MCC: variants seen among roughly 807,000 people sequenced by gnomAD.
MCC encodes the protein colorectal mutant cancer protein.
MCC carries 90 observed loss-of-function variants against 116.2 expected under a neutral mutation model. That is an observed-to-expected ratio of 0.77 (90% CI 0.65 to 0.92). MCC has a LOEUF of 0.92. MCC is among the 40% of genes least tolerant of loss of function. The probability of loss-of-function intolerance (pLI) is 0.00; values close to 1 mark genes in which losing one functional copy is unlikely to be tolerated. For missense variants in MCC, 1,516 were observed against 1,312.2 expected (o/e 1.16, Z -2.40); for synonymous variants, 578 against 510.5 (o/e 1.13, Z -1.78).
In MCC at chr5:113,043,430, C is replaced by T. The variant is rs1751859252; in HGVS notation, c.2756+100G>A. 6 of 1,079,424 alleles carry T rather than the reference C, an allele frequency of 5.6e-6. No homozygotes were observed. The East Asian group carries it at 1.0e-4, about 19-fold the overall frequency. The allele number at this position is 1,079,424 out of a possible 1,614,324, so 66.9% of individuals were successfully genotyped here. A position where few individuals can be genotyped will look rare whatever the true frequency, so the allele number is the denominator to read the frequency against. On this transcript the variant is annotated intron_variant, in intron 17 of 18. Transcript: ENST00000408903. ...CTTCCAAGACATGGGTAAAGTGGAA[C>T]ACATCAGCACCTTCTCCTTTTGGGA... is the stretch of plus-strand genomic sequence containing the variant.
rs537672234 is a variant in MCC at position 113,130,918 on chromosome 5, C to T, written c.885-8092G>A. Among the ~76,000 whole-genome samples the T allele has an allele frequency of 7.2e-5, 11 of 152,322 alleles. No homozygotes were observed. The East Asian group carries it at 2.1e-3, about 29-fold the overall frequency. On this transcript the variant is annotated intron_variant, in intron 5 of 18. Coordinates refer to ENST00000408903, the MANE Select transcript of MCC (RefSeq NM_001085377.2). ...TTCTAGTAACACAAAGGGACTAAGA[C>T]AGGGCCCCACTCTTCTGACTTCATC...
intron 17 of MCC, among the ~76,000 whole-genome samples, chr5:113,029,426 TTTTTCAGGTGTCC>T (rs1750807050): frequency 6.6e-6 from 1 of 151,102 alleles, no homozygotes; most frequent in South Asian, 2.1e-4. Flanking sequence ...CATCCCCTTC[TTTTTCAGGTGTCC>T]TAAGTATCTC....
At chr5:113,154,980 C>T (rs1025053656) in intron 3 of MCC, among the ~76,000 whole-genome samples, 16 of 152,016 alleles carry the variant, frequency 1.1e-4, no homozygotes, top group Non-Finnish European at 1.6e-4. Context: ...GGAGTTATTT[C>T]TTCTAACTGC....
intron 16 of MCC, chr5:113,048,766 C>T (rs1752284753): frequency 2.1e-6 from 1 of 465,128 alleles, no homozygotes; most frequent in African/African-American, 2.0e-5. Context: ...AATAAACCAA[C>T]AAATGAGGGC....
intron 1 of MCC, among the ~76,000 whole-genome samples, chr5:113,438,309 A>G (rs1429368760): frequency 6.6e-6 from 1 of 152,042 alleles, no homozygotes; most frequent in Non-Finnish European, 1.5e-5. Flanking sequence ...CCGTACGGTG[A>G]GTTGTAGGAG....
Position 113,426,810 on chromosome 5 carries a change from C to A in MCC, c.171-41598G>T, listed in dbSNP as rs929648517. 7.2e-5 allele frequency among the ~76,000 whole-genome samples: 11 copies of A among 152,286 alleles called. No homozygotes were observed. In the East Asian group the frequency reaches 1.7e-3, roughly 24 times the overall value. ...TGATGGGGATGGATTTAATTGGAAA[C>A]TAAAACTTCTAGTCTTTCTAATATT... On this transcript the variant is annotated intron_variant, in intron 1 of 18. Transcript: ENST00000408903.
chr5:113,266,485 A>C (rs1280648357), intron 3 of MCC, among the ~76,000 whole-genome samples: 1 of 152,104 alleles, frequency 6.6e-6, no homozygotes, highest in African/African-American at 2.4e-5. Flanking sequence ...ATAGGGCTTT[A>C]TTTGTATTTA....
chr5:113,095,570 A>G (rs1480665968), intron 8 of MCC, among the ~76,000 whole-genome samples: 1 of 152,102 alleles, frequency 6.6e-6, no homozygotes, highest in Non-Finnish European at 1.5e-5. Flanking sequence ...CCCAGGTTGG[A>G]GTACAATGGT....
At chr5:113,439,121 C>G (rs1159516124) in intron 1 of MCC, among the ~76,000 whole-genome samples, 1 of 152,130 alleles carries the variant, frequency 6.6e-6, no homozygotes, top group Non-Finnish European at 1.5e-5. Flanking sequence ...GTTGAAAATT[C>G]CAAGAGATCA....
chr5:113,283,139 T>A (rs1442950020), intron 3 of MCC, among the ~76,000 whole-genome samples: 2 of 152,250 alleles, frequency 1.3e-5, no homozygotes, highest in Non-Finnish European at 2.9e-5. Flanking sequence ...CAGAGCCCAT[T>A]TATTTTCTGT....
chr5:113,314,691 G>A lies in MCC; in HGVS notation c.627+25828C>T, dbSNP rs139247821. The stretch of plus-strand genomic sequence containing the variant: ...CAACCTCTGCCTCCTGGGTTCAAGC[G>A]ATTCTCCTGCCTCAGCTTCCCGAGT... On this transcript the variant is annotated intron_variant, in intron 3 of 18. Coordinates refer to ENST00000408903, the MANE Select transcript of MCC (RefSeq NM_001085377.2). Among the ~76,000 whole-genome samples, 273 of 152,228 alleles carry A rather than the reference G, an allele frequency of 1.8e-3. 1 individual carries two copies. Among genetic ancestry groups the A allele is most frequent in the African/African-American group, 6.3e-3 (260 of 41,526 alleles).
chr5:113,279,220 G>T (rs1490420181), intron 3 of MCC, among the ~76,000 whole-genome samples: 1 of 152,018 alleles, frequency 6.6e-6, no homozygotes, highest in East Asian at 1.9e-4. Context: ...TTCACGACAT[G>T]GTGTGCTCCA....
At chr5:113,316,289 T>C (rs1692134092) in intron 3 of MCC, among the ~76,000 whole-genome samples, 1 of 151,406 alleles carries the variant, frequency 6.6e-6, no homozygotes, top group African/African-American at 2.4e-5. Context: ...ATATGTTATA[T>C]TAAGTAGTCT....
chr5:113,300,018 G>T (rs1766822654), intron 3 of MCC, among the ~76,000 whole-genome samples: 1 of 152,176 alleles, frequency 6.6e-6, no homozygotes, highest in Non-Finnish European at 1.5e-5. Context: ...ATGAGGCTGT[G>T]CACCAACACC....
chr5:113,414,599 T>C (rs1770091350), intron 1 of MCC, among the ~76,000 whole-genome samples: 1 of 152,348 alleles, frequency 6.6e-6, no homozygotes, highest in East Asian at 1.9e-4. Flanking sequence ...CCTGCTTTTT[T>C]TTTGCTTCCA....
chr5:113,410,947 T>A (rs1233796202), intron 1 of MCC, among the ~76,000 whole-genome samples: 2 of 152,208 alleles, frequency 1.3e-5, no homozygotes, highest in African/African-American at 2.4e-5. Flanking sequence ...CATCCTTTTT[T>A]ATGGCTGCAT....
At chr5:113,034,610 G>A (rs1482581203) in intron 17 of MCC, among the ~76,000 whole-genome samples, 1 of 152,202 alleles carries the variant, frequency 6.6e-6, no homozygotes, top group Non-Finnish European at 1.5e-5. Flanking sequence ...CAGCCACAAG[G>A]CCTAGAATTT....
chr5:113,075,420 G>C lies in MCC; in HGVS notation c.1785-4186C>G, dbSNP rs554359422. Among the ~76,000 whole-genome samples, 9 of 152,342 alleles carry C rather than the reference G, an allele frequency of 5.9e-5. No homozygotes were observed. The South Asian group carries it at 1.7e-3, about 28-fold the overall frequency. On this transcript the variant is annotated intron_variant, in intron 11 of 18. Coordinates refer to ENST00000408903, the MANE Select transcript of MCC (RefSeq NM_001085377.2). Reference sequence around the variant, plus strand: ...CGACCGCCCAAGGGCTGAGGAGTGTGGGTGCATGGCACGGGACTGGCGGGC... The same window carrying C: ...CGACCGCCCAAGGGCTGAGGAGTGTCGGTGCATGGCACGGGACTGGCGGGC...
intron 1 of MCC, among the ~76,000 whole-genome samples, chr5:113,446,281 C>T (rs1771216765): frequency 6.6e-6 from 1 of 152,018 alleles, no homozygotes; most frequent in African/African-American, 2.4e-5. Flanking sequence ...TTTTGTGCAG[C>T]AAAAGAAACT....
Sources: allele counts gnomAD v4.1 joint callset (sites outside exome capture counted in the v4.1 genomes callset), GRCh38; gene constraint gnomAD v4.1.1; transcripts MANE v1.5; gene names NCBI Gene and HGNC (gene_info 2026-07-23, HGNC 2026-07-21).